PARD3B: variants seen among roughly 807,000 people sequenced by gnomAD.
PARD3B encodes partitioning defective 3 homolog B.
PARD3B carries 103 observed loss-of-function variants against 130.2 expected under a neutral mutation model. The ratio of observed to expected loss-of-function variants is 0.79; its 90% CI spans 0.67 to 0.93. PARD3B has a LOEUF of 0.93. Ranked by LOEUF, PARD3B falls within the 40% of genes least tolerant of loss-of-function variation. PARD3B has a pLI of 0.00. For synonymous variants in PARD3B, 583 were observed against 553.2 expected (o/e 1.05, Z -0.76); for missense variants, 1,609 against 1,499.2 (o/e 1.07, Z -1.21).
intron 3 of PARD3B, among the ~76,000 whole-genome samples, chr2:204,986,169 G>A (rs1317019070): frequency 6.6e-6 from 1 of 150,906 alleles, no homozygotes. Flanking sequence ...CTTGGGTATG[G>A]CAGATCTCTG....
At chr2:204,788,269 C>T (rs1574984278) in intron 2 of PARD3B, among the ~76,000 whole-genome samples, 1 of 152,320 alleles carries the variant, frequency 6.6e-6, no homozygotes, top group East Asian at 1.9e-4. Flanking sequence ...GCCTTCCAGC[C>T]TGACATTCTG....
chr2:205,442,776 A>T (rs1399678901), intron 20 of PARD3B, among the ~76,000 whole-genome samples: 1 of 152,178 alleles, frequency 6.6e-6, no homozygotes, highest in African/African-American at 2.4e-5. Context: ...TAACTAATCT[A>T]TGTCGACGTG....
chr2:204,729,686 T>A (rs2039399830), intron 2 of PARD3B, among the ~76,000 whole-genome samples: 2 of 152,164 alleles, frequency 1.3e-5, no homozygotes, highest in African/African-American at 4.8e-5. Flanking sequence ...GAGAACCATT[T>A]AGAAAACATT....
intron 20 of PARD3B, among the ~76,000 whole-genome samples, chr2:205,466,023 G>A (rs553198854): frequency 1.3e-5 from 2 of 152,206 alleles, no homozygotes; most frequent in African/African-American, 4.8e-5. Flanking sequence ...AAAGTTTAGC[G>A]TTTCAAACGG....
chr2:205,598,559 T>C (rs2054658999), intron 22 of PARD3B, among the ~76,000 whole-genome samples: 2 of 152,180 alleles, frequency 1.3e-5, no homozygotes, highest in South Asian at 4.1e-4. Context: ...TGTTTGCTAT[T>C]GAGGCAGAAA....
chr2:205,457,008 G>A (rs912445985), intron 20 of PARD3B, among the ~76,000 whole-genome samples: 6 of 151,468 alleles, frequency 4.0e-5, no homozygotes, highest in African/African-American at 1.5e-4. Flanking sequence ...TTCATTGAAT[G>A]TGTAAGGAAA....
chr2:205,466,989 A>G (rs565147164), intron 20 of PARD3B, among the ~76,000 whole-genome samples: 4 of 152,386 alleles, frequency 2.6e-5, no homozygotes, highest in African/African-American at 9.6e-5. Flanking sequence ...CTGGGATCAC[A>G]GGCGTGAGCC....
At chr2:204,924,534 A>T (rs6742774) in intron 2 of PARD3B, among the ~76,000 whole-genome samples, 35,997 of 152,030 alleles carry the variant, frequency 0.24, 4,709 homozygotes, top group Non-Finnish European at 0.3. Context: ...TAAAATTGTT[A>T]AAAAGTCATC....
intron 3 of PARD3B, among the ~76,000 whole-genome samples, chr2:205,040,400 T>C (rs1024645283): frequency 2.6e-5 from 4 of 152,218 alleles, no homozygotes; most frequent in African/African-American, 7.2e-5. Context: ...GTGACAGTGC[T>C]AGAATAATGG....
intron 1 of PARD3B, among the ~76,000 whole-genome samples, chr2:204,620,158 T>C (rs926438706): frequency 3.9e-5 from 6 of 152,122 alleles, no homozygotes; most frequent in South Asian, 2.1e-4. Context: ...TGTGCCACCA[T>C]GCCCGGCTAA....
Position 204,826,163 on chromosome 2 carries a change from T to C in PARD3B, c.223-138989T>C, listed in dbSNP as rs1270509370. On this transcript the variant is annotated intron_variant, in intron 2 of 22. Transcript: ENST00000406610. ...AGTCTTATAATAACCTTGAAAAGTA[T>C]TATATAGTTTGGGGGCAAAAGGAGC... Among the ~76,000 whole-genome samples the C allele has an allele frequency of 2.6e-5, 4 of 152,158 alleles. No individual in the cohort carries two copies. The East Asian group carries it at 7.7e-4, about 29-fold the overall frequency.
intron 1 of PARD3B, among the ~76,000 whole-genome samples, chr2:204,600,066 A>G (rs528529950): frequency 6.0e-5 from 9 of 151,076 alleles, no homozygotes; most frequent in South Asian, 2.1e-4. Flanking sequence ...TTGAGTTCCT[A>G]TTTATTTTGA....
intron 2 of PARD3B, among the ~76,000 whole-genome samples, chr2:204,771,130 G>T (rs897110423): frequency 2.0e-5 from 3 of 152,220 alleles, no homozygotes; most frequent in Admixed American, 6.5e-5. Context: ...CCAGGCCTTT[G>T]TTAGTATCCT....
In PARD3B at chr2:204,765,609, T is replaced by C. The variant is rs559968343; in HGVS notation, c.222+79327T>C. ...ATTATTTCTTCAAAACAGCATATTT[T>C]GGTTTCTTTCATTCTTCTCTCCTAT... On this transcript the variant is annotated intron_variant, in intron 2 of 22. Coordinates refer to ENST00000406610, the MANE Select transcript of PARD3B (RefSeq NM_001302769.2). Among the ~76,000 whole-genome samples, 3 of 152,366 alleles carry C rather than the reference T, an allele frequency of 2.0e-5. No individual in the cohort carries two copies. The East Asian group carries it at 5.8e-4, about 29-fold the overall frequency.
chr2:205,395,215 T>A (rs1397166568), intron 18 of PARD3B, among the ~76,000 whole-genome samples: 1 of 149,154 alleles, frequency 6.7e-6, no homozygotes, highest in Non-Finnish European at 1.5e-5. Flanking sequence ...CAGACACTTA[T>A]ACTTACCCAC....
chr2:204,950,944 A>G (rs1689715898), intron 2 of PARD3B, among the ~76,000 whole-genome samples: 1 of 152,242 alleles, frequency 6.6e-6, no homozygotes, highest in African/African-American at 2.4e-5. Context: ...GCAAGGTTCC[A>G]CTGGGACTAT....
At chr2:204,764,715 CGTGTGT>C (rs10522212) in intron 2 of PARD3B, among the ~76,000 whole-genome samples, 1 of 145,752 alleles carries the variant, frequency 6.9e-6, no homozygotes, top group East Asian at 2.0e-4. Flanking sequence ...GGCATGCATG[CGTGTGT>C]GTGTGTGTGT....
intron 20 of PARD3B, among the ~76,000 whole-genome samples, chr2:205,472,875 G>A (rs569886768): frequency 6.6e-6 from 1 of 152,066 alleles, no homozygotes; most frequent in African/African-American, 2.4e-5. Flanking sequence ...ATAGAGGGGG[G>A]GAACAGACAG....
intron 2 of PARD3B, among the ~76,000 whole-genome samples, chr2:204,701,440 T>G (rs993627012): frequency 1.3e-5 from 2 of 152,160 alleles, no homozygotes; most frequent in African/African-American, 4.8e-5. Flanking sequence ...TGATTTCTGG[T>G]GTTTGGAAGA....
Sources: gnomAD v4.1 joint callset for allele counts (sites outside exome capture counted in the v4.1 genomes callset) on GRCh38, gnomAD v4.1.1 for gene constraint, MANE v1.5 for transcripts, NCBI Gene and HGNC (gene_info 2026-07-23, HGNC 2026-07-21) for gene names.